Variants in NXN observed in about 807,000 individuals in gnomAD.
The protein encoded by NXN is nucleoredoxin.
In NXN, 16 loss-of-function variants were observed where a neutral mutation model predicts 48.6. The ratio of observed to expected loss-of-function variants is 0.33; its 90% CI spans 0.22 to 0.50. NXN has a LOEUF of 0.50. NXN is among the 20% of genes least tolerant of loss of function. NXN has a pLI of 0.98. For missense variants in NXN, 492 were observed against 605.5 expected, an observed-to-expected ratio of 0.81 and a Z score of 1.97; for synonymous variants, 281 against 269.6, an observed-to-expected ratio of 1.04 and a Z score of -0.41.
chr17:924,087 A>G lies in NXN; in HGVS notation c.360+55232T>C, dbSNP rs142894279. The stretch of plus-strand genomic sequence containing the variant: ...CTCAAAAAGTTTTTTTTTTTTTTTG[A>G]GACAGGGTCTCACTCTGTTGCCCAG... On this transcript the variant is annotated intron_variant, in intron 1 of 7. Coordinates refer to ENST00000336868, the MANE Select transcript of NXN (RefSeq NM_022463.5). Among the ~76,000 whole-genome samples the G allele has an allele frequency of 6.1e-3, 880 of 143,206 alleles. 12 individuals are homozygous for G. The highest frequency in any genetic ancestry group is 0.058 in the East Asian group (288 of 4,982). 93.9% of individuals were successfully genotyped at this position (143,206 alleles called of 152,430 possible).
Position 819,497 on chromosome 17 carries a change from G to A in NXN, c.762C>T (p.Ala254=), listed in dbSNP as rs201424714. The A allele has an allele frequency of 6.6e-5, 106 of 1,613,070 alleles. 1 individual carries two copies. In the East Asian group the frequency reaches 8.9e-4, roughly 14 times the overall value. Residue 254 remains alanine (A), a synonymous_variant, in exon 5 of 8, where the codon GCC becomes GCT. Transcript: ENST00000336868. The part of the protein sequence containing the change: ...KQYFSEMPWL[A]VPYTDEARRS... Reference sequence around the variant, plus strand: ...GCCGGGCCTCATCCGTGTAGGGGACGGCGAGCCAGGGCATCTCACTGAAGT... The same window carrying A: ...GCCGGGCCTCATCCGTGTAGGGGACAGCGAGCCAGGGCATCTCACTGAAGT...
At chr17:968,603 CATCAA>C (rs1360135020) in intron 1 of NXN, among the ~76,000 whole-genome samples, 2 of 152,084 alleles carry the variant, frequency 1.3e-5, no homozygotes, top group African/African-American at 4.8e-5. Flanking sequence ...ACACAGATGT[CATCAA>C]ATCAACAACT....
chr17:914,037 C>A (rs2144931161), intron 1 of NXN, among the ~76,000 whole-genome samples: 1 of 152,066 alleles, frequency 6.6e-6, no homozygotes, highest in East Asian at 1.9e-4. Flanking sequence ...GTAGCTGGGA[C>A]TCCAGACACC....
At chr17:876,733 C>T (rs770004455) in intron 1 of NXN, among the ~76,000 whole-genome samples, 2 of 152,114 alleles carry the variant, frequency 1.3e-5, no homozygotes, top group East Asian at 1.9e-4. Flanking sequence ...CAGCTCCCAG[C>T]ACATTCTATG....
intron 1 of NXN, among the ~76,000 whole-genome samples, chr17:910,526 TTTTTA>T (rs542770765): frequency 9.9e-4 from 151 of 152,138 alleles, no homozygotes; most frequent in African/African-American, 3.5e-3. Flanking sequence ...GTCTGGAGGG[TTTTTA>T]TTTGTTTTTT....
intron 1 of NXN, among the ~76,000 whole-genome samples, chr17:900,998 G>A (rs954424841): frequency 5.4e-5 from 7 of 129,794 alleles, no homozygotes; most frequent in South Asian, 2.5e-4. Flanking sequence ...TTGGTTCATT[G>A]CAACCTCCAC....
In NXN at chr17:915,332, C is replaced by T. The variant is rs367924471; in HGVS notation, c.360+63987G>A. On this transcript the variant is annotated intron_variant, in intron 1 of 7. Coordinates refer to ENST00000336868, the MANE Select transcript of NXN (RefSeq NM_022463.5). ...TTTCTGAGATAGAGTCTCACTCTGT[C>T]GCCCAGGCTGGAGTCATCTCGGCTC... Among the ~76,000 whole-genome samples the T allele has an allele frequency of 1.2e-4, 18 of 152,048 alleles. 1 individual carries two copies. In the East Asian group the frequency reaches 2.9e-3, roughly 25 times the overall value.
rs531654504 is a variant in NXN at position 916,806 on chromosome 17, G to C, written c.360+62513C>G. On this transcript the variant is annotated intron_variant, in intron 1 of 7. Transcript: ENST00000336868. ...CCAGCCACTTCGGGGGCTGAGGCAG[G>C]AGAATCACTTGAACCCGGGAGGTGG... 4.0e-3 allele frequency among the ~76,000 whole-genome samples: 604 copies of C among 152,278 alleles called. 1 individual carries two copies. Among genetic ancestry groups the C allele is most frequent in the African/African-American group, 0.014 (567 of 41,560 alleles).
chr17:943,166 T>C (rs1307997576), intron 1 of NXN, among the ~76,000 whole-genome samples: 2 of 152,236 alleles, frequency 1.3e-5, no homozygotes, highest in Admixed American at 1.3e-4. Context: ...AATATTAATG[T>C]TAGCCCCTGC....
At chr17:878,366 C>G (rs375483626) in intron 1 of NXN, 1 of 96,996 alleles carries the variant, frequency 1.0e-5, no homozygotes, top group East Asian at 3.9e-4. Context: ...AGGCCAGGTG[C>G]GGTTTCGGGG....
intron 1 of NXN, among the ~76,000 whole-genome samples, chr17:848,471 G>C (rs922074561): frequency 3.9e-5 from 6 of 152,190 alleles, no homozygotes; most frequent in Non-Finnish European, 8.8e-5. Flanking sequence ...TACTGCTACG[G>C]CTTAACACGA....
chr17:921,839 A>C (rs1286547379), intron 1 of NXN, among the ~76,000 whole-genome samples: 1 of 152,158 alleles, frequency 6.6e-6, no homozygotes, highest in African/African-American at 2.4e-5. Flanking sequence ...TGGCAGGCCC[A>C]GGCTCTCTCC....
intron 1 of NXN, among the ~76,000 whole-genome samples, chr17:973,261 G>A (rs1174015777): frequency 2.0e-5 from 3 of 152,160 alleles, no homozygotes; most frequent in African/African-American, 7.2e-5. Flanking sequence ...TGGGACGGGA[G>A]GCAGGTCCAC....
intron 5 of NXN, among the ~76,000 whole-genome samples, chr17:817,316 A>T (rs916896338): frequency 2.6e-5 from 4 of 152,132 alleles, no homozygotes; most frequent in Admixed American, 2.0e-4. Context: ...TATTTTTTTT[A>T]AAACTTCTGC....
At chr17:847,285 G>A (rs891739567) in intron 1 of NXN, among the ~76,000 whole-genome samples, 1 of 151,506 alleles carries the variant, frequency 6.6e-6, no homozygotes, top group Admixed American at 6.6e-5. Context: ...ACTTTCCAGT[G>A]CCCAGTTATA....
chr17:925,615 C>CT (rs1686635487), intron 1 of NXN, among the ~76,000 whole-genome samples: 1 of 152,124 alleles, frequency 6.6e-6, no homozygotes, highest in South Asian at 2.1e-4. Flanking sequence ...TCTTGAACTC[C>CT]TGACCTCAGG....
intron 1 of NXN, among the ~76,000 whole-genome samples, chr17:839,342 G>A (rs1197126912): frequency 6.6e-6 from 1 of 152,070 alleles, no homozygotes; most frequent in Non-Finnish European, 1.5e-5. Context: ...GGCTGAGACA[G>A]GAGAATCGCT....
At chr17:819,676 G>A (rs773788668) in intron 4 of NXN, 131 bp from the exon 5 acceptor site, 11 of 644,822 alleles carry the variant, frequency 1.7e-5, no homozygotes, top group Non-Finnish European at 3.0e-5. Context: ...TGCTCCTTAG[G>A]CAACAGGCTA....
At chr17:840,612 T>G (rs1485198342) in intron 1 of NXN, among the ~76,000 whole-genome samples, 1 of 152,154 alleles carries the variant, frequency 6.6e-6, no homozygotes, top group Non-Finnish European at 1.5e-5. Context: ...GTGCTGGGAT[T>G]ACAGGCGTGA....
Sources: allele counts gnomAD v4.1 joint callset (sites outside exome capture counted in the v4.1 genomes callset), GRCh38; gene constraint gnomAD v4.1.1; transcripts MANE v1.5; gene names NCBI Gene and HGNC (gene_info 2026-07-23, HGNC 2026-07-21).